The following PSME4 variants were observed in gnomAD, a reference collection of about 807,000 sequenced individuals.
PSME4 encodes proteasome activator subunit 4.
Under a neutral mutation model 253.9 loss-of-function variants are expected in PSME4, and 89 were observed. The ratio of observed to expected loss-of-function variants is 0.35; its 90% CI spans 0.30 to 0.42. The LOEUF is 0.42. Among genes scored for constraint, PSME4 ranks in the 10% least tolerant of loss-of-function variants. The probability of loss-of-function intolerance (pLI) is 1.00; values close to 1 mark genes in which losing one functional copy is unlikely to be tolerated. For synonymous variants in PSME4, 851 were observed against 759.2 expected, an observed-to-expected ratio of 1.12 and a Z score of -1.99; for missense variants, 2,014 against 2,195.2, an observed-to-expected ratio of 0.92 and a Z score of 1.65.
At chr2:53,903,896 G>T in intron 27 of PSME4, 129 bp downstream of exon 27, 1 of 748,852 alleles carries the variant, frequency 1.3e-6, no homozygotes, top group Non-Finnish European at 2.1e-6. Flanking sequence ...ATGCGATAAA[G>T]CAAATACAGC....
chr2:53,883,971 G>C (rs1679517312), intron 41 of PSME4, among the ~76,000 whole-genome samples: 1 of 152,088 alleles, frequency 6.6e-6, no homozygotes, highest in African/African-American at 2.4e-5. Context: ...GGGAATTTCT[G>C]ACCGCCTCTT....
At chr2:53,894,549 G>A (rs1680054641) in intron 34 of PSME4, among the ~76,000 whole-genome samples, 1 of 152,212 alleles carries the variant, frequency 6.6e-6, no homozygotes, top group Non-Finnish European at 1.5e-5. Context: ...TGGGATTACA[G>A]GCATGTGCCA....
rs773683499 is a variant in PSME4, at chr2:53,888,714, A to C, written c.4388+7T>G. 1.9e-6 allele frequency: 3 copies of C among 1,598,660 alleles called. No individual in the cohort carries two copies. The highest frequency in any genetic ancestry group is 2.6e-6 in the Non-Finnish European group (3 of 1,167,324). On this transcript the variant is annotated splice_region_variant and intron_variant, in intron 38 of 46. Transcript: ENST00000404125. ...GTTAACCTCATAGGTTTTTTAAAAA[A>C]ATTTACCATGCATCTACAAAGGATC...
At chr2:53,915,302 A>C (rs996548280) in intron 20 of PSME4, among the ~76,000 whole-genome samples, 4 of 152,166 alleles carry the variant, frequency 2.6e-5, no homozygotes, top group African/African-American at 9.7e-5. Context: ...TTAGCTGGGC[A>C]TGGTGACCCA....
chr2:53,873,149 G>T (rs555438054), intron 43 of PSME4, among the ~76,000 whole-genome samples: 2 of 150,652 alleles, frequency 1.3e-5, no homozygotes, highest in Non-Finnish European at 2.9e-5. Flanking sequence ...GCTGAGGCAG[G>T]AGAATGGCGT....
At chr2:53,950,823 A>G (rs1027748677) in intron 1 of PSME4, among the ~76,000 whole-genome samples, 2 of 150,800 alleles carry the variant, frequency 1.3e-5, no homozygotes, top group African/African-American at 2.4e-5. Flanking sequence ...CCTGGGCAAC[A>G]AGAGAGAAAC....
rs540794043 is a variant in PSME4 at position 53,953,803 on chromosome 2, T to C, written c.243-4520A>G. ...TAGGTTTTAGGACTAATGATTACTA[T>C]TAGGTGTCCCAAAATAACTGAAAAC... On this transcript the variant is annotated intron_variant, in intron 1 of 46. Coordinates refer to ENST00000404125, the MANE Select transcript of PSME4 (RefSeq NM_014614.3). 3.3e-5 allele frequency among the ~76,000 whole-genome samples: 5 copies of C among 152,286 alleles called. No individual in the cohort carries two copies. In the South Asian group the frequency reaches 1.0e-3, roughly 32 times the overall value.
At chr2:53,899,160 G>A (rs1475842685) in intron 29 of PSME4, among the ~76,000 whole-genome samples, 1 of 152,050 alleles carries the variant, frequency 6.6e-6, no homozygotes, top group African/African-American at 2.4e-5. Context: ...TGCCTCCCAG[G>A]TTCAAGCGAT....
In PSME4 at chr2:53,892,714, TTTAA is replaced by T. The variant is rs1310744070; in HGVS notation, c.4191+90_4191+93del. The stretch of plus-strand genomic sequence containing the variant: ...TTTCATATCACTGAAGATTTCATAT[TTTAA>T]TTATCAGTATCTAATGTGTTGGGAA... On this transcript the variant is annotated intron_variant, in intron 36 of 46. Coordinates refer to ENST00000404125, the MANE Select transcript of PSME4 (RefSeq NM_014614.3). 4 of 1,172,982 alleles carry T rather than the reference TTTAA, an allele frequency of 3.4e-6. No individual in the cohort carries two copies. The African/African-American group carries it at 6.1e-5, about 18-fold the overall frequency. 72.7% of individuals were successfully genotyped at this position (1,172,982 alleles called of 1,614,324 possible). A position where few individuals can be genotyped will look rare whatever the true frequency, so the allele number is the denominator to read the frequency against.
intron 3 of PSME4, 110 bp downstream of exon 3, chr2:53,948,311 T>A: frequency 1.4e-6 from 1 of 737,004 alleles, no homozygotes; most frequent in Admixed American, 2.2e-5. Flanking sequence ...AATAGGCACA[T>A]TAAAATATCT....
At chr2:53,931,182 G>A (rs1376508987) in intron 10 of PSME4, among the ~76,000 whole-genome samples, 2 of 152,168 alleles carry the variant, frequency 1.3e-5, no homozygotes, top group Non-Finnish European at 2.9e-5. Flanking sequence ...GGAGGCTGAG[G>A]CAGGGGAATC....
chr2:53,920,323 T>G lies in PSME4; in HGVS notation c.2290A>C (p.Asn764His), dbSNP rs375600638. 127 of 1,613,286 alleles carry G rather than the reference T, an allele frequency of 7.9e-5. No individual in the cohort carries two copies. Among genetic ancestry groups the G allele is most frequent in the Non-Finnish European group, 1.0e-4 (122 of 1,179,616 alleles). Residue 764 changes from asparagine to histidine, a missense_variant, in exon 19 of 47, where the codon AAT becomes CAT. This residue lies in a region of PSME4 where 989 missense variants were observed against 1,021.1 expected (regional missense o/e 0.97). Transcript: ENST00000404125. ...KDWGKPGDLW[N>H]LGIQWHVPSS... The stretch of plus-strand genomic sequence containing the variant: ...GGAACATGCCACTGGATTCCCAGAT[T>G]CCACAAGTCCCCGGGTTTGCCCCAG...
intron 20 of PSME4, 37 bp from the exon 21 acceptor site, chr2:53,910,167 T>C (rs1344108603): frequency 4.0e-6 from 6 of 1,500,010 alleles, no homozygotes; most frequent in Non-Finnish European, 5.6e-6. Flanking sequence ...TTATTAATAA[T>C]ACCAATATGA....
intron 1 of PSME4, among the ~76,000 whole-genome samples, chr2:53,963,180 G>C (rs1457450897): frequency 6.6e-6 from 1 of 151,990 alleles, no homozygotes; most frequent in East Asian, 1.9e-4. Context: ...TTAAAAATTA[G>C]CTTGGCGTGG....
Position 53,970,902 on chromosome 2 carries a change from C to A in PSME4, c.-118G>T. ...CCTGCGGCCGCTGGCGGCCCGTCGC[C>A]CTCGGACCGATCGCTAGGCCCCCTT... is the stretch of plus-strand genomic sequence containing the variant. On this transcript the variant is annotated 5_prime_UTR_variant, in exon 1 of 47. Coordinates refer to ENST00000404125, the MANE Select transcript of PSME4 (RefSeq NM_014614.3). 2 of 854,444 alleles carry A rather than the reference C, an allele frequency of 2.3e-6. No homozygotes were observed. Among genetic ancestry groups the A allele is most frequent in the Non-Finnish European group, 3.3e-6 (2 of 602,090 alleles). The allele number at this position is 854,444 out of a possible 1,614,324, so 52.9% of individuals were successfully genotyped here.
chr2:53,867,478 TAC>T (rs1678620443), intron 44 of PSME4, among the ~76,000 whole-genome samples: 1 of 128,582 alleles, frequency 7.8e-6, no homozygotes, highest in Non-Finnish European at 1.6e-5. Flanking sequence ...CAGCCTGGGA[TAC>T]AGAGTGAGGC....
chr2:53,969,056 A>G (rs1302362912), intron 1 of PSME4, among the ~76,000 whole-genome samples: 2 of 152,356 alleles, frequency 1.3e-5, no homozygotes, highest in Admixed American at 6.5e-5. Context: ...GAATTACTGT[A>G]ACAAAGTGAC....
At chr2:53,921,677 G>A (rs111406013) in intron 17 of PSME4, among the ~76,000 whole-genome samples, 36,695 of 136,324 alleles carry the variant, frequency 0.27, 5,095 homozygotes, top group South Asian at 0.44. Context: ...GACCATCCCG[G>A]CTAAAACGGT....
At chr2:53,957,113 T>A (rs1670270610) in intron 1 of PSME4, among the ~76,000 whole-genome samples, 1 of 152,128 alleles carries the variant, frequency 6.6e-6, no homozygotes, top group Non-Finnish European at 1.5e-5. Context: ...ACCCTGCCAC[T>A]CCTACAGGCA....
Sources: gnomAD v4.1 joint callset for allele counts (sites outside exome capture counted in the v4.1 genomes callset) on GRCh38, gnomAD v4.1.1 for gene constraint, gnomAD v4.1.1 regional missense constraint, MANE v1.5 for transcripts, NCBI Gene and HGNC (gene_info 2026-07-23, HGNC 2026-07-21) for gene names.